Variants in KCNIP1 observed in about 807,000 individuals in gnomAD.
KCNIP1 encodes the protein potassium voltage-gated channel interacting protein 1.
KCNIP1 carries 18 observed loss-of-function variants against 33.0 expected under a neutral mutation model. That is an observed-to-expected ratio of 0.55 (90% CI 0.38 to 0.81). The LOEUF (loss-of-function observed/expected upper bound fraction) is 0.81, where lower values mean the gene tolerates loss of function less well. Ranked by LOEUF, KCNIP1 falls within the 30% of genes least tolerant of loss-of-function variation. The pLI is 0.00. For synonymous variants in KCNIP1, 93 were observed against 98.3 expected (o/e 0.95, Z 0.32); for missense variants, 238 against 271.6 (o/e 0.88, Z 0.87).
At chr5:170,662,285 C>A (rs1761529236) in intron 1 of KCNIP1, among the ~76,000 whole-genome samples, 1 of 152,112 alleles carries the variant, frequency 6.6e-6, no homozygotes, top group Admixed American at 6.5e-5. Flanking sequence ...CTTCTCTTCC[C>A]ACTAGAGAAT....
intron 1 of KCNIP1, among the ~76,000 whole-genome samples, chr5:170,542,727 ATAAC>A (rs1756259615): frequency 6.6e-6 from 1 of 151,682 alleles, no homozygotes; most frequent in Non-Finnish European, 1.5e-5. Context: ...ATTAACAACA[ATAAC>A]TAATAATAAA....
At chr5:170,622,038 T>A (rs946004201) in intron 1 of KCNIP1, among the ~76,000 whole-genome samples, 8 of 152,294 alleles carry the variant, frequency 5.3e-5, no homozygotes, top group Admixed American at 3.3e-4. Context: ...TGAGCCTCAC[T>A]TTCCTTGTCT....
intron 1 of KCNIP1, among the ~76,000 whole-genome samples, chr5:170,678,199 C>G (rs1002651275): frequency 1.3e-5 from 2 of 152,228 alleles, no homozygotes; most frequent in African/African-American, 4.8e-5. Flanking sequence ...ATTCCTGTAT[C>G]TTTCACAAAT....
chr5:170,445,923 T>C (rs1177433653), intron 1 of KCNIP1, among the ~76,000 whole-genome samples: 1 of 152,244 alleles, frequency 6.6e-6, no homozygotes, highest in Admixed American at 6.5e-5. Flanking sequence ...GTGAAGACAG[T>C]TTGATTTGCC....
chr5:170,584,511 ATAAG>A (rs1341450057), intron 1 of KCNIP1, among the ~76,000 whole-genome samples: 8 of 152,286 alleles, frequency 5.3e-5, no homozygotes, highest in African/African-American at 1.9e-4. Context: ...GCTCAGAGGA[ATAAG>A]TAAGAAAAGC....
chr5:170,396,730 A>C (rs962677703), intron 1 of KCNIP1, among the ~76,000 whole-genome samples: 1 of 152,232 alleles, frequency 6.6e-6, no homozygotes, highest in Non-Finnish European at 1.5e-5. Context: ...TATGGAAACT[A>C]AGGTTATTAT....
At chr5:170,383,585 A>T (rs1389755004) in intron 1 of KCNIP1, 1 of 1,408,340 alleles carries the variant, frequency 7.1e-7, no homozygotes, top group African/African-American at 1.4e-5. Flanking sequence ...AAGTGGGTTG[A>T]TCTTTCTCAG....
chr5:170,605,593 T>C (rs1435354531), intron 1 of KCNIP1, among the ~76,000 whole-genome samples: 1 of 151,994 alleles, frequency 6.6e-6, no homozygotes, highest in Non-Finnish European at 1.5e-5. Context: ...CATTCCCACC[T>C]CCCCCAACTC....
At position 170,659,438 on chromosome 5, in the gene KCNIP1, T is replaced by C. The variant is rs139499411; in HGVS notation, c.62-59320T>C. On this transcript the variant is annotated intron_variant, in intron 1 of 7. Coordinates refer to ENST00000328939, the MANE Select transcript of KCNIP1 (RefSeq NM_014592.4). ...TGGCCTTTATTATAAATGCAATGTA[T>C]GTCCACTATGGAAAATTTGGGGAAA... Among the ~76,000 whole-genome samples the C allele has an allele frequency of 1.5e-3, 232 of 152,288 alleles. 1 individual carries two copies. The highest frequency in any genetic ancestry group is 5.3e-3 in the African/African-American group (219 of 41,558).
At chr5:170,683,889 AGTGTATGTGTGTGTGTGTGTGTGT>A (rs752765348) in intron 1 of KCNIP1, among the ~76,000 whole-genome samples, 2 of 124,600 alleles carry the variant, frequency 1.6e-5, no homozygotes, top group Non-Finnish European at 1.8e-5. Context: ...ATGCCCAGCT[AGTGTATGTGTGTGTGTGTGTGTGT>A]GTGTGTGTGT....
chr5:170,700,614 A>C (rs1763058710), intron 1 of KCNIP1, among the ~76,000 whole-genome samples: 1 of 152,184 alleles, frequency 6.6e-6, no homozygotes, highest in Non-Finnish European at 1.5e-5. Flanking sequence ...CACAGGACTG[A>C]TCCCTCTGTG....
At chr5:170,677,611 G>A (rs1360776791) in intron 1 of KCNIP1, among the ~76,000 whole-genome samples, 1 of 152,100 alleles carries the variant, frequency 6.6e-6, no homozygotes, top group African/African-American at 2.4e-5. Context: ...GGACTCTGCA[G>A]ACCATGGCCA....
At position 170,524,005 on chromosome 5, in the gene KCNIP1, C is replaced by T. The variant is rs145817163; in HGVS notation, c.61+19372C>T. Among the ~76,000 whole-genome samples, 1,442 of 152,316 alleles carry T rather than the reference C, an allele frequency of 9.5e-3. 12 individuals are homozygous for T. The highest frequency in any genetic ancestry group is 0.023 in the African/African-American group (945 of 41,572). On this transcript the variant is annotated intron_variant, in intron 1 of 7. Coordinates refer to ENST00000328939, the MANE Select transcript of KCNIP1 (RefSeq NM_014592.4). The stretch of plus-strand genomic sequence containing the variant: ...CCTGCCTGTTCTCCCAGCACCACCC[C>T]CCAGTCCTCCGGCACAGCCCAGGTC...
intron 1 of KCNIP1, among the ~76,000 whole-genome samples, chr5:170,591,045 G>A (rs1331095198): frequency 2.6e-5 from 4 of 152,228 alleles, no homozygotes; most frequent in Admixed American, 2.6e-4. Flanking sequence ...AGGACACTGT[G>A]CACCTTTGTC....
intron 1 of KCNIP1, among the ~76,000 whole-genome samples, chr5:170,507,560 C>T (rs1561657715): frequency 6.6e-6 from 1 of 152,210 alleles, no homozygotes; most frequent in Non-Finnish European, 1.5e-5. Flanking sequence ...CCAAAAACCC[C>T]AGCACACAGA....
intron 1 of KCNIP1, among the ~76,000 whole-genome samples, chr5:170,653,494 C>G (rs1761136636): frequency 6.6e-6 from 1 of 151,984 alleles, no homozygotes; most frequent in Admixed American, 6.6e-5. Context: ...TTCTCTCTGC[C>G]CAATCCAGCC....
chr5:170,547,259 C>T (rs1403469149), intron 1 of KCNIP1, among the ~76,000 whole-genome samples: 1 of 152,198 alleles, frequency 6.6e-6, no homozygotes, highest in Non-Finnish European at 1.5e-5. Flanking sequence ...TCCATTATTT[C>T]CATCTTTGTC....
chr5:170,565,917 G>A (rs1757189602), intron 1 of KCNIP1, among the ~76,000 whole-genome samples: 1 of 152,174 alleles, frequency 6.6e-6, no homozygotes, highest in Non-Finnish European at 1.5e-5. Context: ...TGACAAAAAT[G>A]GACAAATGCA....
intron 1 of KCNIP1, among the ~76,000 whole-genome samples, chr5:170,493,382 A>C (rs1354773920): frequency 6.6e-6 from 1 of 152,158 alleles, no homozygotes; most frequent in African/African-American, 2.4e-5. Flanking sequence ...ATCTGCGTAG[A>C]AGTTGGAATA....
Sources: allele counts gnomAD v4.1 joint callset (sites outside exome capture counted in the v4.1 genomes callset), GRCh38; gene constraint gnomAD v4.1.1; transcripts MANE v1.5; gene names NCBI Gene and HGNC (gene_info 2026-07-23, HGNC 2026-07-21).